ZNF385D: variants seen among roughly 807,000 people sequenced by gnomAD.
ZNF385D encodes the protein zinc finger protein 659.
Under a neutral mutation model 35.8 loss-of-function variants are expected in ZNF385D, and 15 were observed. The observed-to-expected ratio is 0.42, with a 90% CI of 0.28 to 0.64. ZNF385D has a LOEUF of 0.64. ZNF385D is among the 30% of genes least tolerant of loss of function. ZNF385D has a pLI of 0.23. For synonymous variants in ZNF385D, 212 were observed against 186.8 expected (o/e 1.13, Z -1.10); for missense variants, 474 against 494.6 (o/e 0.96, Z 0.39).
At chr3:21,985,133 C>A (rs1016333610) in intron 3 of ZNF385D, among the ~76,000 whole-genome samples, 1 of 101,404 alleles carries the variant, frequency 9.9e-6, no homozygotes, top group Non-Finnish European at 2.0e-5. Flanking sequence ...TTGACTTCCT[C>A]TTTTCCTAAT....
chr3:21,898,844 A>G (rs906624050), intron 3 of ZNF385D, among the ~76,000 whole-genome samples: 1 of 152,098 alleles, frequency 6.6e-6, no homozygotes, highest in Non-Finnish European at 1.5e-5. Flanking sequence ...CTCTAAACCA[A>G]AGAAATAAAG....
chr3:21,884,497 G>C (rs1575835628), intron 3 of ZNF385D, among the ~76,000 whole-genome samples: 1 of 151,908 alleles, frequency 6.6e-6, no homozygotes, highest in African/African-American at 2.4e-5. Flanking sequence ...CAGCTTGTAA[G>C]GGCTCAAAAG....
At chr3:21,706,431 C>T (rs2067901792) in intron 1 of ZNF385D, among the ~76,000 whole-genome samples, 1 of 152,116 alleles carries the variant, frequency 6.6e-6, no homozygotes, top group Non-Finnish European at 1.5e-5. Context: ...GTAAAAACTA[C>T]AGTGATGCCA....
chr3:22,177,807 C>T (rs997814716), intron 2 of ZNF385D, among the ~76,000 whole-genome samples: 1 of 152,130 alleles, frequency 6.6e-6, no homozygotes, highest in African/African-American at 2.4e-5. Context: ...CTGTTCAATT[C>T]CCACCTATGA....
intron 4 of ZNF385D, among the ~76,000 whole-genome samples, chr3:21,502,085 A>G (rs1371696247): frequency 6.6e-6 from 1 of 152,154 alleles, no homozygotes; most frequent in African/African-American, 2.4e-5. Flanking sequence ...CAGTAAGGCA[A>G]CTGGGGAACA....
At chr3:22,301,575 A>G (rs1159752841) in intron 2 of ZNF385D, among the ~76,000 whole-genome samples, 1 of 152,064 alleles carries the variant, frequency 6.6e-6, no homozygotes, top group Non-Finnish European at 1.5e-5. Context: ...AAATGCCCAT[A>G]AAGTCAAATT....
intron 1 of ZNF385D, among the ~76,000 whole-genome samples, chr3:21,670,994 G>C (rs1004128968): frequency 6.6e-6 from 1 of 152,022 alleles, no homozygotes; most frequent in Non-Finnish European, 1.5e-5. Context: ...TACCCTATTT[G>C]ACATCAGAGG....
At chr3:22,355,390 T>A (rs1696104468) in intron 2 of ZNF385D, among the ~76,000 whole-genome samples, 2 of 152,034 alleles carry the variant, frequency 1.3e-5, no homozygotes, top group South Asian at 4.1e-4. Flanking sequence ...CACATATTCT[T>A]TCTAACATAG....
At chr3:22,355,270 C>A (rs1209146259) in intron 2 of ZNF385D, among the ~76,000 whole-genome samples, 1 of 151,914 alleles carries the variant, frequency 6.6e-6, no homozygotes, top group Admixed American at 6.6e-5. Flanking sequence ...AAGAAATTCC[C>A]ATAAGTTGAT....
chr3:21,433,193 A>G (rs453364), intron 5 of ZNF385D, among the ~76,000 whole-genome samples: 99,591 of 151,726 alleles, frequency 0.66, 34,575 homozygotes, highest in Non-Finnish European at 0.77. Context: ...CACTGATAGC[A>G]TTTAATGGAA....
At chr3:21,456,238 A>T in intron 4 of ZNF385D, among the ~76,000 whole-genome samples, 1 of 152,178 alleles carries the variant, frequency 6.6e-6, no homozygotes, top group East Asian at 1.9e-4. Flanking sequence ...ATTACTGGGT[A>T]TATACCCAAA....
At chr3:21,829,905 C>G (rs1299895278) in intron 3 of ZNF385D, among the ~76,000 whole-genome samples, 1 of 152,156 alleles carries the variant, frequency 6.6e-6, no homozygotes, top group African/African-American at 2.4e-5. Context: ...AGGAGGATCA[C>G]TTGAAGTCAG....
At chr3:21,730,325 C>T (rs6790203) in intron 1 of ZNF385D, among the ~76,000 whole-genome samples, 121,959 of 152,252 alleles carry the variant, frequency 0.8, 49,478 homozygotes, top group African/African-American at 0.95. Context: ...GGGGAAAAGA[C>T]GATGCCCAAC....
chr3:21,805,350 T>A (rs193255363), intron 3 of ZNF385D, among the ~76,000 whole-genome samples: 1 of 152,284 alleles, frequency 6.6e-6, no homozygotes, highest in African/African-American at 2.4e-5. Context: ...GGTGCTTAGG[T>A]ATAGAAACAA....
chr3:22,062,755 G>A (rs1261372280), intron 3 of ZNF385D, among the ~76,000 whole-genome samples: 1 of 152,158 alleles, frequency 6.6e-6, no homozygotes, highest in Non-Finnish European at 1.5e-5. Flanking sequence ...AGACATTGCA[G>A]CTTTCTCCTT....
At chr3:22,275,951 G>T (rs1233653557) in intron 2 of ZNF385D, among the ~76,000 whole-genome samples, 1 of 152,062 alleles carries the variant, frequency 6.6e-6, no homozygotes, top group Non-Finnish European at 1.5e-5. Context: ...TGGGCATGGT[G>T]GCGTGTGCCT....
chr3:22,368,877 T>C (rs1696777886), intron 2 of ZNF385D, among the ~76,000 whole-genome samples: 1 of 152,160 alleles, frequency 6.6e-6, no homozygotes, highest in Non-Finnish European at 1.5e-5. Context: ...TCTAAAAAAG[T>C]AGAAGTAAAT....
chr3:22,320,206 G>C (rs1694348209), intron 2 of ZNF385D, among the ~76,000 whole-genome samples: 2 of 152,020 alleles, frequency 1.3e-5, no homozygotes, highest in Admixed American at 1.3e-4. Context: ...CCAGACAAAA[G>C]ATAACTGTTT....
intron 3 of ZNF385D, among the ~76,000 whole-genome samples, chr3:22,164,343 C>T (rs1231650686): frequency 6.6e-6 from 1 of 150,676 alleles, no homozygotes; most frequent in Non-Finnish European, 1.5e-5. Flanking sequence ...ATTCTCCTGC[C>T]TCAGCCTCCA....
Sources: allele counts gnomAD v4.1 joint callset (sites outside exome capture counted in the v4.1 genomes callset), GRCh38; gene constraint gnomAD v4.1.1; transcripts MANE v1.5; gene names NCBI Gene and HGNC (gene_info 2026-07-23, HGNC 2026-07-21).